CTCF: variants seen among roughly 807,000 people sequenced by gnomAD.
CTCF encodes transcriptional repressor CTCF.
A neutral mutation model predicts 72.3 loss-of-function variants in CTCF; 7 were observed. That is an observed-to-expected ratio of 0.10 (90% CI 0.06 to 0.18). The LOEUF (loss-of-function observed/expected upper bound fraction) is 0.18. CTCF is among the 10% of genes least tolerant of loss of function. The pLI is 1.00. For synonymous variants in CTCF, 374 were observed against 315.8 expected (o/e 1.18, Z -1.95); for missense variants, 516 against 949.1 (o/e 0.54, Z 6.00).
At position 67,585,477 on chromosome 16, in the gene CTCF, A is replaced by G. The variant is rs548933682; in HGVS notation, c.-10+14213A>G. Reference sequence around the variant, plus strand: ...ACTGAAGATAATATTAAAGTTCAGTATCTAATAAGATTTTGAGCTTACTCA... The same window carrying G: ...ACTGAAGATAATATTAAAGTTCAGTGTCTAATAAGATTTTGAGCTTACTCA... On this transcript the variant is annotated intron_variant, in intron 2 of 11. Transcript: ENST00000264010. Among the ~76,000 whole-genome samples the G allele has an allele frequency of 7.2e-5, 11 of 152,380 alleles. No individual in the cohort carries two copies. The East Asian group carries it at 1.3e-3, about 19-fold the overall frequency.
At chr16:67,564,885 C>G (rs747273802) in intron 1 of CTCF, among the ~76,000 whole-genome samples, 1 of 152,132 alleles carries the variant, frequency 6.6e-6, no homozygotes, top group Non-Finnish European at 1.5e-5. Flanking sequence ...CTTTTCCACA[C>G]AGTTGCTATC....
At chr16:67,623,977 G>C (rs1431049468) in intron 7 of CTCF, among the ~76,000 whole-genome samples, 2 of 151,604 alleles carry the variant, frequency 1.3e-5, no homozygotes, top group African/African-American at 4.9e-5. Context: ...CAATCCGGGA[G>C]GGGGAGGTTG....
Position 67,621,518 on chromosome 16 carries a change from G to A in CTCF, c.1284G>A (p.Gln428=). ...QSGTMKMHIL[Q]KHTENVAKFH... ...GTACCATGAAGATGCACATTTTACAGAAGCACACAGAAAATGTGGCCAAAT... is the reference window on the plus strand; with the variant it reads ...GTACCATGAAGATGCACATTTTACAAAAGCACACAGAAAATGTGGCCAAAT... The change falls in exon 7 of 12, where the codon CAG becomes CAA. Residue 428 remains glutamine (Q), a synonymous_variant. Coordinates refer to ENST00000264010, the MANE Select transcript of CTCF (RefSeq NM_006565.4). 1 of 1,612,958 alleles carries A rather than the reference G, an allele frequency of 6.2e-7. No homozygotes were observed. The highest frequency in any genetic ancestry group is 8.5e-7 in the Non-Finnish European group (1 of 1,179,004).
At chr16:67,562,812 G>T (rs1404958081) in intron 1 of CTCF, 88 bp downstream of exon 1, 1 of 148,464 alleles carries the variant, frequency 6.7e-6, no homozygotes, top group Middle Eastern at 3.5e-3. Flanking sequence ...CTGCAGCCCG[G>T]CGCCAGCGCC....
At chr16:67,606,504 C>T (rs943643143) in intron 2 of CTCF, among the ~76,000 whole-genome samples, 2 of 152,194 alleles carry the variant, frequency 1.3e-5, no homozygotes, top group Admixed American at 1.3e-4. Flanking sequence ...GGATTACAGG[C>T]GTGAGCCACC....
intron 2 of CTCF, among the ~76,000 whole-genome samples, chr16:67,594,275 T>A (rs1291010911): frequency 6.6e-6 from 1 of 151,740 alleles, no homozygotes; most frequent in Non-Finnish European, 1.5e-5. Flanking sequence ...TCCCAGCTAC[T>A]TGGGAGGCTG....
chr16:67,626,887 G>C (rs1035217546), intron 8 of CTCF, 172 bp downstream of exon 8: 1 of 419,910 alleles, frequency 2.4e-6, no homozygotes, highest in African/African-American at 2.0e-5. Flanking sequence ...TGTCATCCCG[G>C]TGTCCAGATG....
At chr16:67,573,724 A>G (rs1225946959) in intron 2 of CTCF, among the ~76,000 whole-genome samples, 1 of 152,136 alleles carries the variant, frequency 6.6e-6, no homozygotes, top group African/African-American at 2.4e-5. Flanking sequence ...CATAACAACC[A>G]CCATCAACAC....
At chr16:67,630,493 G>A (rs1043451439) in intron 10 of CTCF, among the ~76,000 whole-genome samples, 13 of 152,108 alleles carry the variant, frequency 8.5e-5, no homozygotes, top group African/African-American at 1.4e-4. Flanking sequence ...AGTGGCTCAT[G>A]CCTGTAATCC....
Position 67,638,412 on chromosome 16 carries a change from A to G in CTCF, c.*540A>G, listed in dbSNP as rs1424221220. ...CCTCTTTCTTGGCAAAGTTTCTGGTATGGTCAAGCTTGTAAATAACTTTTT... is the reference window on the plus strand; with the variant it reads ...CCTCTTTCTTGGCAAAGTTTCTGGTGTGGTCAAGCTTGTAAATAACTTTTT... On this transcript the variant is annotated 3_prime_UTR_variant, in exon 12 of 12. Coordinates refer to ENST00000264010, the MANE Select transcript of CTCF (RefSeq NM_006565.4). 8.9e-6 allele frequency: 2 copies of G among 224,860 alleles called. No homozygotes were observed. The highest frequency in any genetic ancestry group is 1.8e-5 in the Non-Finnish European group (2 of 112,858). 13.9% of individuals were successfully genotyped at this position (224,860 alleles called of 1,614,324 possible).
At chr16:67,603,548 G>A (rs1027439170) in intron 2 of CTCF, among the ~76,000 whole-genome samples, 1 of 150,864 alleles carries the variant, frequency 6.6e-6, no homozygotes, top group African/African-American at 2.4e-5. Flanking sequence ...AAAAAGGCTG[G>A]GTGTGGTGGC....
intron 2 of CTCF, among the ~76,000 whole-genome samples, chr16:67,579,279 T>C (rs780594606): frequency 4.0e-5 from 6 of 151,494 alleles, no homozygotes; most frequent in African/African-American, 7.3e-5. Context: ...ATAATAAAAA[T>C]AAAAAATAAA....
intron 2 of CTCF, among the ~76,000 whole-genome samples, chr16:67,604,141 A>G (rs1035217266): frequency 9.5e-4 from 143 of 151,242 alleles, no homozygotes; most frequent in African/African-American, 1.7e-3. Context: ...AAAAAAAAAA[A>G]AAAAGAAAAG....
chr16:67,626,766 T>C (rs1005885972), intron 8 of CTCF, 51 bp downstream of exon 8: 6 of 1,315,640 alleles, frequency 4.6e-6, no homozygotes, highest in African/African-American at 3.0e-5. Flanking sequence ...TCTGGTGTTA[T>C]CAGAGGGCAT....
At chr16:67,635,382 T>C (rs1291600085) in intron 10 of CTCF, 1 of 151,920 alleles carries the variant, frequency 6.6e-6, no homozygotes, top group African/African-American at 2.4e-5. Flanking sequence ...GCCAGGCTGG[T>C]CTCGAACTCT....
chr16:67,639,043 G>A lies in CTCF; in HGVS notation c.*1171G>A. The A allele has an allele frequency of 4.9e-6, 1 of 202,826 alleles. No homozygotes were observed. The highest frequency in any genetic ancestry group is 2.3e-5 in the African/African-American group (1 of 43,724). The allele number at this position is 202,826 out of a possible 1,614,324, so 12.6% of individuals were successfully genotyped here. ...TCTAGGTTGATGCATTTTGTACTTA[G>A]CTGTACTGTGTGATATTTTTCATTA... On this transcript the variant is annotated 3_prime_UTR_variant, in exon 12 of 12. Coordinates refer to ENST00000264010, the MANE Select transcript of CTCF (RefSeq NM_006565.4).
chr16:67,629,210 G>C (rs2052330797), intron 9 of CTCF, among the ~76,000 whole-genome samples, 188 bp from the exon 10 acceptor site: 1 of 151,440 alleles, frequency 6.6e-6, no homozygotes, highest in African/African-American at 2.4e-5. Context: ...TCTGTCTGCA[G>C]GCTGCTGAGC....
At chr16:67,625,356 G>A (rs35880507) in intron 7 of CTCF, among the ~76,000 whole-genome samples, 1,938 of 152,028 alleles carry the variant, frequency 0.013, 19 homozygotes, top group Non-Finnish European at 0.022. Flanking sequence ...ACACCACCAC[G>A]CCCAGCTAAT....
At chr16:67,586,563 T>C (rs1007872559) in intron 2 of CTCF, among the ~76,000 whole-genome samples, 19 of 151,260 alleles carry the variant, frequency 1.3e-4, no homozygotes, top group Non-Finnish European at 2.1e-4. Flanking sequence ...TTCCTGGGCA[T>C]GGCCCCTGTA....
Sources: allele counts gnomAD v4.1 joint callset (sites outside exome capture counted in the v4.1 genomes callset), GRCh38; gene constraint gnomAD v4.1.1; transcripts MANE v1.5; gene names NCBI Gene and HGNC (gene_info 2026-07-23, HGNC 2026-07-21).